ARHGAP44: variants seen among roughly 807,000 people sequenced by gnomAD.
ARHGAP44 encodes the protein rho GTPase-activating protein 44.
In ARHGAP44, 43 loss-of-function variants were observed where a neutral mutation model predicts 106.8. The observed-to-expected ratio is 0.40, with a 90% CI of 0.32 to 0.52. ARHGAP44 has a LOEUF of 0.52. Ranked by LOEUF, ARHGAP44 falls within the 20% of genes least tolerant of loss-of-function variation. ARHGAP44 has a pLI of 0.48. For synonymous variants in ARHGAP44, 439 were observed against 410.3 expected (o/e 1.07, Z -0.85); for missense variants, 866 against 1,050.5 (o/e 0.82, Z 2.43).
chr17:12,929,068 C>G, intron 7 of ARHGAP44, 22 bp downstream of exon 7: 1 of 1,593,410 alleles, frequency 6.3e-7, no homozygotes, highest in Non-Finnish European at 8.6e-7. Flanking sequence ...CTTTGCTCCT[C>G]TCTACTGGGA....
chr17:12,814,492 C>A (rs1029152159), intron 1 of ARHGAP44, among the ~76,000 whole-genome samples: 1 of 151,546 alleles, frequency 6.6e-6, no homozygotes. Context: ...CTGCCCGCCT[C>A]GGCCTCCCGA....
intron 1 of ARHGAP44, among the ~76,000 whole-genome samples, chr17:12,791,897 A>G (rs879877543): frequency 3.9e-5 from 6 of 152,120 alleles, no homozygotes; most frequent in Non-Finnish European, 5.9e-5. Context: ...ATCGCTTTTG[A>G]TGAAATCCAG....
rs561751042 is a variant in ARHGAP44, at chr17:12,884,762, C to T, written c.54-10178C>T. Among the ~76,000 whole-genome samples the T allele has an allele frequency of 2.2e-4, 33 of 152,286 alleles. 2 individuals carry two copies. The South Asian group carries it at 3.3e-3, about 15-fold the overall frequency. ...CCTATGACTTAGCTTTTCCAGGGTG[C>T]CTTATAAATGAAATCATTCAGTATG... On this transcript the variant is annotated intron_variant, in intron 1 of 20. Transcript: ENST00000379672.
chr17:12,796,182 A>G (rs114070060), intron 1 of ARHGAP44, among the ~76,000 whole-genome samples: 2 of 151,320 alleles, frequency 1.3e-5, no homozygotes, highest in African/African-American at 2.5e-5. Context: ...TAAAAAGAGT[A>G]CAGACCATAC....
intron 5 of ARHGAP44, among the ~76,000 whole-genome samples, chr17:12,918,217 G>A (rs573487058): frequency 5.9e-5 from 9 of 152,176 alleles, no homozygotes; most frequent in African/African-American, 1.9e-4. Context: ...GCTTAGCTTC[G>A]GAGCTGGGTG....
intron 1 of ARHGAP44, among the ~76,000 whole-genome samples, chr17:12,855,100 A>G (rs1307568794): frequency 6.6e-6 from 1 of 152,144 alleles, no homozygotes; most frequent in Non-Finnish European, 1.5e-5. Context: ...ACCACCTTGC[A>G]CACTGGGTGG....
intron 1 of ARHGAP44, among the ~76,000 whole-genome samples, chr17:12,842,256 T>C (rs1425111775): frequency 1.3e-5 from 2 of 151,242 alleles, no homozygotes; most frequent in African/African-American, 4.9e-5. Context: ...AAAAAATATA[T>C]GTATCAAACA....
chr17:12,841,119 A>G (rs900080270), intron 1 of ARHGAP44, among the ~76,000 whole-genome samples: 1 of 152,146 alleles, frequency 6.6e-6, no homozygotes, highest in Non-Finnish European at 1.5e-5. Flanking sequence ...ATAACCTTAG[A>G]AGAGTTTTAC....
In ARHGAP44 at chr17:12,949,345, C is replaced by A; in HGVS notation, c.973+94C>A. 1 of 1,315,652 alleles carries A rather than the reference C, an allele frequency of 7.6e-7. No individual in the cohort carries two copies. The highest frequency in any genetic ancestry group is 1.3e-5 in the South Asian group (1 of 77,508). The allele number at this position is 1,315,652 out of a possible 1,614,324, so 81.5% of individuals were successfully genotyped here. On this transcript the variant is annotated intron_variant, in intron 11 of 20. Coordinates refer to ENST00000379672, the MANE Select transcript of ARHGAP44 (RefSeq NM_014859.6). This position sits in a 1 kb window ranked among gnomAD's most constrained non-coding sequence, Gnocchi z 4.1. Reference sequence around the variant, plus strand: ...GGCTACAAGTCCAGGACACTCAAGTCAGTGGCTGCCCAAAGCACTTCAGAT... The same window carrying A: ...GGCTACAAGTCCAGGACACTCAAGTAAGTGGCTGCCCAAAGCACTTCAGAT...
chr17:12,953,983 A>G (rs12451610), intron 13 of ARHGAP44, among the ~76,000 whole-genome samples: 84,717 of 151,694 alleles, frequency 0.56, 24,547 homozygotes, highest in African/African-American at 0.69. Context: ...ACCACCTGGG[A>G]TTCGAGTGAT....
intron 18 of ARHGAP44, among the ~76,000 whole-genome samples, chr17:12,976,612 CAAAAAAAAAA>C (rs59099893): frequency 1.2e-5 from 1 of 85,086 alleles, no homozygotes; most frequent in Non-Finnish European, 2.4e-5. Flanking sequence ...GACTCTGTGT[CAAAAAAAAAA>C]AAAAAAAAAA....
At chr17:12,821,957 C>A (rs2034784174) in intron 1 of ARHGAP44, among the ~76,000 whole-genome samples, 1 of 152,144 alleles carries the variant, frequency 6.6e-6, no homozygotes, top group Non-Finnish European at 1.5e-5. Flanking sequence ...TACCAACTTA[C>A]ATATAAAGAC....
chr17:12,957,281 C>T (rs958953496), intron 15 of ARHGAP44, among the ~76,000 whole-genome samples: 2 of 152,182 alleles, frequency 1.3e-5, no homozygotes, highest in African/African-American at 4.8e-5. Context: ...TCAAGGGACA[C>T]TCTGGCCTGA....
chr17:12,802,860 GTGATTCT>G (rs1045008573), intron 1 of ARHGAP44, among the ~76,000 whole-genome samples: 17 of 133,224 alleles, frequency 1.3e-4, no homozygotes, highest in Non-Finnish European at 2.5e-4. Context: ...CCGGGTTCAA[GTGATTCT>G]TGTGCCTTAG....
intron 1 of ARHGAP44, among the ~76,000 whole-genome samples, chr17:12,857,693 A>T (rs2035950323): frequency 6.6e-6 from 1 of 152,158 alleles, no homozygotes; most frequent in Admixed American, 6.5e-5. Flanking sequence ...TTTTATAGGA[A>T]ATGACTAGTG....
intron 13 of ARHGAP44, 112 bp downstream of exon 13, chr17:12,952,693 G>T: frequency 1.5e-5 from 8 of 535,054 alleles, no homozygotes; most frequent in South Asian, 6.8e-5. Flanking sequence ...ATTTTATGAT[G>T]TCCAAGGTAT....
Position 12,984,735 on chromosome 17 carries a change from C to T in ARHGAP44, c.2144C>T (p.Ser715Phe), listed in dbSNP as rs1262821550. Reference protein sequence around the residue: ...LSPAAAPPLASPSVFTSTLSK... With the variant: ...LSPAAAPPLAFPSVFTSTLSK... Reference sequence around the variant, plus strand: ...CCAGCTGCAGCTCCTCCCCTGGCCTCTCCTTCTGTCTTTACAAGCACTTTG... The same window carrying T: ...CCAGCTGCAGCTCCTCCCCTGGCCTTTCCTTCTGTCTTTACAAGCACTTTG... Residue 715 changes from serine to phenylalanine, a missense_variant, in exon 20 of 21, where the codon TCT becomes TTT. Physicochemically the swap from Ser to Phe is radical, Grantham distance 155. Transcript: ENST00000379672. 1.9e-6 allele frequency: 3 copies of T among 1,613,848 alleles called. No homozygotes were observed. In the Admixed American group the frequency reaches 5.0e-5, roughly 27 times the overall value.
intron 1 of ARHGAP44, among the ~76,000 whole-genome samples, chr17:12,860,843 GT>G (rs945841290): frequency 2.7e-5 from 4 of 145,978 alleles, no homozygotes; most frequent in African/African-American, 1.1e-4. Context: ...TCGGTATATG[GT>G]TTTTTTCTAT....
chr17:12,943,717 G>A lies in ARHGAP44; in HGVS notation c.733+48G>A, dbSNP rs764201790. ...GAAGGGAGGGCCGGGGTGCCTGCTT[G>A]CCTTCCCGGATGAGATGAATTCCTT... On this transcript the variant is annotated intron_variant, in intron 9 of 20. Coordinates refer to ENST00000379672, the MANE Select transcript of ARHGAP44 (RefSeq NM_014859.6). 2.5e-6 allele frequency: 4 copies of A among 1,577,050 alleles called. No individual in the cohort carries two copies. In the African/African-American group the frequency reaches 4.1e-5, roughly 16 times the overall value.
Sources: allele counts gnomAD v4.1 joint callset (sites outside exome capture counted in the v4.1 genomes callset), GRCh38; gene constraint gnomAD v4.1.1; non-coding constraint Gnocchi (gnomAD v3.1); transcripts MANE v1.5; gene names NCBI Gene and HGNC (gene_info 2026-07-23, HGNC 2026-07-21).